Variants in SERPINC1 observed in about 807,000 individuals in gnomAD.
The protein encoded by SERPINC1 is antithrombin-III.
SERPINC1 carries 12 observed loss-of-function variants against 43.4 expected under a neutral mutation model. That is an observed-to-expected ratio of 0.28 (90% CI 0.18 to 0.45). The LOEUF (loss-of-function observed/expected upper bound fraction) is 0.45, where lower values mean the gene tolerates loss of function less well. Ranked by LOEUF, SERPINC1 falls within the 20% of genes least tolerant of loss-of-function variation. SERPINC1 has a pLI of 1.00. For synonymous variants in SERPINC1, 210 were observed against 218.9 expected (o/e 0.96, Z 0.36); for missense variants, 423 against 578.8 (o/e 0.73, Z 2.76).
At position 173,909,828 on chromosome 1, in the gene SERPINC1, G is replaced by A. The variant is rs776662899; in HGVS notation, c.877C>T (p.Arg293Trp). The A allele has an allele frequency of 1.7e-5, 27 of 1,612,470 alleles. No homozygotes were observed. The highest frequency in any genetic ancestry group is 1.6e-4 in the East Asian group (7 of 44,772). ...ACCTGGGTGCCTTCAGCCACGCGCC[G>A]ATAACGGAACTTGCCTTCCTGGTAC... is the stretch of plus-strand genomic sequence containing the variant. Reference protein sequence around the residue: ...MMYQEGKFRYRRVAEGTQVLE... With the variant: ...MMYQEGKFRYWRVAEGTQVLE... The change falls in exon 5 of 7, where the codon CGG (arginine) becomes TGG (tryptophan). Residue 293 changes from arginine to tryptophan, a missense_variant. Coordinates refer to ENST00000367698, the MANE Select transcript of SERPINC1 (RefSeq NM_000488.4).
chr1:173,914,559 C>G lies in SERPINC1; in HGVS notation c.402G>C (p.Leu134=). 1 of 1,614,100 alleles carries G rather than the reference C, an allele frequency of 6.2e-7. No homozygotes were observed. Among genetic ancestry groups the G allele is most frequent in the Non-Finnish European group, 8.5e-7 (1 of 1,180,048 alleles). ...AGAAGACCTTTGGTCGTACCTCCATCAGTTGCTGGAGGGTGTCATTACAGG... is the reference window on the plus strand; with the variant it reads ...AGAAGACCTTTGGTCGTACCTCCATGAGTTGCTGGAGGGTGTCATTACAGG... ...LGACNDTLQQ[L]MEVFKFDTIS... is the part of the protein sequence containing the mutation. Residue 134 remains leucine, a synonymous_variant, in exon 2 of 7, where the codon CTG becomes CTC. Coordinates refer to ENST00000367698, the MANE Select transcript of SERPINC1 (RefSeq NM_000488.4).
intron 3 of SERPINC1, 22 bp from the exon 4 acceptor site, chr1:173,910,913 C>T: frequency 6.2e-7 from 1 of 1,613,888 alleles, no homozygotes; most frequent in Non-Finnish European, 8.5e-7. Context: ...AGAAAATAAA[C>T]CTACTCACCT....
chr1:173,907,026 G>A (rs921560986), intron 6 of SERPINC1, among the ~76,000 whole-genome samples: 2 of 152,094 alleles, frequency 1.3e-5, no homozygotes, highest in Non-Finnish European at 2.9e-5. Flanking sequence ...GCTGAGGCAG[G>A]AGAATCGCTT....
At chr1:173,915,413 C>T (rs1472392824) in intron 1 of SERPINC1, among the ~76,000 whole-genome samples, 2 of 152,158 alleles carry the variant, frequency 1.3e-5, no homozygotes, top group Non-Finnish European at 2.9e-5. Context: ...CGGTGGCTCA[C>T]GCCTGTAATC....
At position 173,909,344 on chromosome 1, in the gene SERPINC1, T is replaced by C. The variant is rs139308031; in HGVS notation, c.1153+208A>G. On this transcript the variant is annotated intron_variant, in intron 5 of 6. Coordinates refer to ENST00000367698, the MANE Select transcript of SERPINC1 (RefSeq NM_000488.4). Reference sequence around the variant, plus strand: ...AGGGCACCAGTGCTAGCTGGGCCCATGGAGATCCAAGAACAAACTTCCCTT... The same window carrying C: ...AGGGCACCAGTGCTAGCTGGGCCCACGGAGATCCAAGAACAAACTTCCCTT... Among the ~76,000 whole-genome samples, 583 of 152,322 alleles carry C rather than the reference T, an allele frequency of 3.8e-3. 4 individuals are homozygous for C. Among genetic ancestry groups the C allele is most frequent in the African/African-American group, 0.012 (501 of 41,574 alleles).
chr1:173,903,954 T>C lies in SERPINC1; in HGVS notation c.1330A>G (p.Ile444Val), dbSNP rs777118044. The C allele has an allele frequency of 2.0e-5, 32 of 1,614,074 alleles. 1 individual carries two copies. The South Asian group carries it at 2.7e-4, about 14-fold the overall frequency. The change falls in exon 7 of 7, where the codon ATA becomes GTA. Residue 444 changes from isoleucine to valine, a missense_variant. Ile to Val is a conservative substitution (Grantham distance 29, BLOSUM62 3). Coordinates refer to ENST00000367698, the MANE Select transcript of SERPINC1 (RefSeq NM_000488.4). ...ATAGTGTTCAGAGGAACTTCTCTTA[T>C]AAAAACCAGGAAAGGCCTGTTGGCC... ...FKANRPFLVF[I>V]REVPLNTIIF...
rs1317476052 is a variant in SERPINC1, at chr1:173,909,703, C to A, written c.1002G>T (p.Glu334Asp). 7.4e-6 allele frequency: 12 copies of A among 1,614,048 alleles called. No individual in the cohort carries two copies. The highest frequency in any genetic ancestry group is 9.3e-6 in the Non-Finnish European group (11 of 1,180,010). ...ATTCATCCAGCCACTCTTGCAGCAC[C>A]TCTGGGGTGAGTTCCTTCTCTACCT... ...LAKVEKELTP[E>D]VLQEWLDELE... The change falls in exon 5 of 7, where the codon GAG (glutamate) becomes GAT (aspartate). Residue 334 changes from glutamate to aspartate, a missense_variant. Physicochemically the swap from Glu to Asp is conservative, Grantham distance 45. Coordinates refer to ENST00000367698, the MANE Select transcript of SERPINC1 (RefSeq NM_000488.4).
At position 173,909,838 on chromosome 1, in the gene SERPINC1, C is replaced by A; in HGVS notation, c.867G>T (p.Lys289Asn). The part of the protein sequence containing the change: ...CSASMMYQEG[K>N]FRYRRVAEGT... ...CTTCAGCCACGCGCCGATAACGGAA[C>A]TTGCCTTCCTGGTACATCATAGATG... is the stretch of plus-strand genomic sequence containing the variant. The change falls in exon 5 of 7, where the codon AAG becomes AAT. Residue 289 changes from lysine (K) to asparagine (N), a missense_variant. Coordinates refer to ENST00000367698, the MANE Select transcript of SERPINC1 (RefSeq NM_000488.4). The A allele has an allele frequency of 6.2e-7, 1 of 1,614,088 alleles. No homozygotes were observed. Among genetic ancestry groups the A allele is most frequent in the Non-Finnish European group, 8.5e-7 (1 of 1,179,904 alleles).
At chr1:173,908,597 G>A (rs1657630477) in intron 5 of SERPINC1, among the ~76,000 whole-genome samples, 1 of 150,800 alleles carries the variant, frequency 6.6e-6, no homozygotes, top group Non-Finnish European at 1.5e-5. Context: ...ACCTCACTCT[G>A]TTGCTCAGGC....
intron 1 of SERPINC1, among the ~76,000 whole-genome samples, chr1:173,915,962 G>A (rs905830550): frequency 1.3e-5 from 2 of 151,864 alleles, no homozygotes; most frequent in East Asian, 3.9e-4. Context: ...TCCTCATTTA[G>A]TCAAACCCCA....
At chr1:173,908,490 CAAAA>C (rs753240633) in intron 5 of SERPINC1, among the ~76,000 whole-genome samples, 8 of 54,036 alleles carry the variant, frequency 1.5e-4, no homozygotes, top group Non-Finnish European at 2.9e-4. Context: ...GACTTCGTCT[CAAAA>C]AAAAAAAAAA....
At chr1:173,910,367 A>C (rs1163198025) in intron 4 of SERPINC1, among the ~76,000 whole-genome samples, 2 of 152,166 alleles carry the variant, frequency 1.3e-5, no homozygotes, top group South Asian at 4.1e-4. Context: ...TCACGAGGTC[A>C]GGAGATCAAG....
rs377500819 is a variant in SERPINC1, at chr1:173,914,755, T to A, written c.206A>T (p.Glu69Val). The A allele has an allele frequency of 6.2e-7, 1 of 1,614,202 alleles. No individual in the cohort carries two copies. Among genetic ancestry groups the A allele is most frequent in the African/African-American group, 1.3e-5 (1 of 75,056 alleles). Residue 69 changes from glutamate (E) to valine (V), a missense_variant, in exon 2 of 7, where the codon GAA becomes GTA. Transcript: ENST00000367698. ...GTTGGTGGCCTCCGGGATCTTCTGT[T>A]CTGAGCCCTCATCCTCAGTTGCCTT... ...EKKATEDEGS[E>V]QKIPEATNRR... is the part of the protein sequence containing the mutation.
Position 173,904,000 on chromosome 1 carries a change from G to C in SERPINC1, c.1284C>G (p.Asn428Lys). Residue 428 changes from asparagine to lysine, a missense_variant, in exon 7 of 7, where the codon AAC becomes AAG. Coordinates refer to ENST00000367698, the MANE Select transcript of SERPINC1 (RefSeq NM_000488.4). Reference sequence around the variant, plus strand: ...TGGCCTTGAAAGTCACCCTGTTGGGGTTTAGCGAACGGCCAGCAATCACAA... The same window carrying C: ...TGGCCTTGAAAGTCACCCTGTTGGGCTTTAGCGAACGGCCAGCAATCACAA... ...TAVVIAGRSL[N>K]PNRVTFKANR... The C allele has an allele frequency of 6.2e-7, 1 of 1,614,172 alleles. No homozygotes were observed.
chr1:173,904,647 C>T (rs1247942641), intron 6 of SERPINC1, among the ~76,000 whole-genome samples: 1 of 152,134 alleles, frequency 6.6e-6, no homozygotes, highest in Non-Finnish European at 1.5e-5. Flanking sequence ...CCTCAGGACC[C>T]AGAATATCAC....
chr1:173,906,637 T>A (rs1478239053), intron 6 of SERPINC1, among the ~76,000 whole-genome samples: 322 of 145,232 alleles, frequency 2.2e-3, no homozygotes, highest in African/African-American at 7.6e-3. Context: ...TCTCCAAACT[T>A]TTTTTTTTTT....
In SERPINC1 at chr1:173,914,733, G is replaced by A. The variant is rs1173589358; in HGVS notation, c.228C>T (p.Thr76=). The A allele has an allele frequency of 6.2e-7, 1 of 1,614,258 alleles. No homozygotes were observed. The highest frequency in any genetic ancestry group is 1.7e-5 in the Admixed American group (1 of 60,032). The change falls in exon 2 of 7, where the codon ACC becomes ACT. Residue 76 remains threonine, a synonymous_variant. Transcript: ENST00000367698. ...TGGACAGTTCCCAGACACGCCGGTT[G>A]GTGGCCTCCGGGATCTTCTGTTCTG... ...EGSEQKIPEA[T]NRRVWELSKA... is the part of the protein sequence containing the mutation.
At chr1:173,911,265 T>G (rs532413543) in intron 3 of SERPINC1, among the ~76,000 whole-genome samples, 11 of 152,204 alleles carry the variant, frequency 7.2e-5, no homozygotes, top group South Asian at 6.2e-4. Flanking sequence ...TGATTGCAGG[T>G]TATATGGGGT....
intron 6 of SERPINC1, 106 bp from the exon 7 acceptor site, chr1:173,904,171 A>G (rs1657385199): frequency 1.2e-5 from 13 of 1,091,218 alleles, no homozygotes; most frequent in Non-Finnish European, 1.8e-5. Flanking sequence ...TTTGTTTTCC[A>G]GTAAAAAGTA....
Sources: gnomAD v4.1 joint callset for allele counts (sites outside exome capture counted in the v4.1 genomes callset) on GRCh38, gnomAD v4.1.1 for gene constraint, MANE v1.5 for transcripts, NCBI Gene and HGNC (gene_info 2026-07-23, HGNC 2026-07-21) for gene names.